Variants in HECW1 observed in about 807,000 individuals in gnomAD.
HECW1 encodes the protein E3 ubiquitin-protein ligase HECW1.
Under a neutral mutation model 182.3 loss-of-function variants are expected in HECW1, and 61 were observed. The observed-to-expected ratio is 0.33, with a 90% CI of 0.27 to 0.41. The LOEUF is 0.41. HECW1 is among the 10% of genes least tolerant of loss of function. HECW1 has a pLI of 1.00. For missense variants in HECW1, 1,739 were observed against 2,108.9 expected, an observed-to-expected ratio of 0.82 and a Z score of 3.44; for synonymous variants, 859 against 832.6, an observed-to-expected ratio of 1.03 and a Z score of -0.55.
intron 5 of HECW1, among the ~76,000 whole-genome samples, chr7:43,330,855 G>A (rs1010721960): frequency 6.6e-6 from 1 of 152,170 alleles, no homozygotes; most frequent in African/African-American, 2.4e-5. Flanking sequence ...TGGTGAGTCT[G>A]CACTGATAAA....
intron 7 of HECW1, among the ~76,000 whole-genome samples, chr7:43,401,179 C>T (rs59337895): frequency 0.021 from 3,231 of 152,158 alleles, 85 homozygotes; most frequent in African/African-American, 0.064. Flanking sequence ...TTCTGTCTAC[C>T]GCAGTCAAGA....
chr7:43,490,524 T>C (rs950404294), intron 17 of HECW1, among the ~76,000 whole-genome samples: 1 of 152,228 alleles, frequency 6.6e-6, no homozygotes, highest in Non-Finnish European at 1.5e-5. Flanking sequence ...AAATCCCATA[T>C]ATCTGGTGAA....
At chr7:43,506,091 A>G (rs910358147) in intron 21 of HECW1, among the ~76,000 whole-genome samples, 1 of 152,224 alleles carries the variant, frequency 6.6e-6, no homozygotes, top group Non-Finnish European at 1.5e-5. Flanking sequence ...GTTCTCCTCT[A>G]TGTAGAGTTA....
rs968889231 is a variant in HECW1 at position 43,512,273 on chromosome 7, G to A, written c.4019+3152G>A. 12 of 223,662 alleles carry A rather than the reference G, an allele frequency of 5.4e-5. No individual in the cohort carries two copies. In the East Asian group the frequency reaches 7.7e-4, roughly 14 times the overall value. The allele number at this position is 223,662 out of a possible 1,614,324, so 13.9% of individuals were successfully genotyped here. ...CACAGGACAAGCCAGGGCAGGATTT[G>A]GCCTGCAGGAAGGACAGAGGTGCCT... On this transcript the variant is annotated intron_variant, in intron 24 of 29. Transcript: ENST00000395891.
intron 7 of HECW1, among the ~76,000 whole-genome samples, chr7:43,402,840 G>T (rs2075473833): frequency 6.6e-6 from 1 of 152,070 alleles, no homozygotes; most frequent in South Asian, 2.1e-4. Context: ...ACTGCCTGGA[G>T]GTAATACATT....
chr7:43,482,441 A>G (rs1351082167), intron 17 of HECW1, among the ~76,000 whole-genome samples: 1 of 152,194 alleles, frequency 6.6e-6, no homozygotes, highest in Non-Finnish European at 1.5e-5. Context: ...GGAATGCAAA[A>G]TATGAGACAA....
intron 2 of HECW1, among the ~76,000 whole-genome samples, chr7:43,209,898 C>A (rs1373828715): frequency 6.6e-6 from 1 of 152,128 alleles, no homozygotes; most frequent in Non-Finnish European, 1.5e-5. Flanking sequence ...ATCTGCCGTG[C>A]CCAGTCCCAC....
At chr7:43,189,811 G>C (rs1053220814) in intron 2 of HECW1, among the ~76,000 whole-genome samples, 3 of 152,168 alleles carry the variant, frequency 2.0e-5, no homozygotes, top group Non-Finnish European at 4.4e-5. Flanking sequence ...ACTTTAAGTA[G>C]ATACGTCTCA....
intron 3 of HECW1, among the ~76,000 whole-genome samples, chr7:43,294,808 C>G (rs1409799544): frequency 6.6e-6 from 1 of 152,072 alleles, no homozygotes; most frequent in Non-Finnish European, 1.5e-5. Context: ...GTTTATTTTG[C>G]CAAGGTTAAG....
At chr7:43,162,072 T>G (rs1044284581) in intron 2 of HECW1, among the ~76,000 whole-genome samples, 8 of 152,254 alleles carry the variant, frequency 5.3e-5, no homozygotes, top group African/African-American at 1.9e-4. Context: ...CATAAACAAT[T>G]GGATATCCAC....
chr7:43,229,573 G>T (rs918301611), intron 2 of HECW1, among the ~76,000 whole-genome samples: 1 of 152,004 alleles, frequency 6.6e-6, no homozygotes, highest in African/African-American at 2.4e-5. Flanking sequence ...ACAATCCCCT[G>T]TGACACAAGT....
intron 24 of HECW1, among the ~76,000 whole-genome samples, chr7:43,532,579 C>T (rs908777860): frequency 1.2e-4 from 19 of 152,134 alleles, no homozygotes; most frequent in African/African-American, 3.9e-4. Context: ...CCCCACTGGC[C>T]TCTTTGCATT....
chr7:43,197,527 C>T (rs1218905072), intron 2 of HECW1, among the ~76,000 whole-genome samples: 4 of 152,158 alleles, frequency 2.6e-5, no homozygotes, highest in East Asian at 1.9e-4. Flanking sequence ...TGGCACAGAG[C>T]GATCACTGCC....
chr7:43,357,383 C>T (rs10279340), intron 5 of HECW1, among the ~76,000 whole-genome samples: 66,841 of 151,852 alleles, frequency 0.44, 14,810 homozygotes, highest in Non-Finnish European at 0.47. Context: ...TATTCAGTCA[C>T]AAAAAAGAAT....
At chr7:43,169,578 T>G (rs1453116961) in intron 2 of HECW1, among the ~76,000 whole-genome samples, 1 of 152,222 alleles carries the variant, frequency 6.6e-6, no homozygotes, top group Admixed American at 6.5e-5. Context: ...AGTAATGGGC[T>G]TAATCATCAT....
At chr7:43,522,631 A>G (rs2080542571) in intron 24 of HECW1, 1 of 156,246 alleles carries the variant, frequency 6.4e-6, no homozygotes, top group South Asian at 1.9e-4. Flanking sequence ...CAGGAGTTCT[A>G]GACACCATGC....
At chr7:43,503,196 A>C (rs1313584097) in intron 21 of HECW1, among the ~76,000 whole-genome samples, 1 of 152,218 alleles carries the variant, frequency 6.6e-6, no homozygotes, top group African/African-American at 2.4e-5. Flanking sequence ...AACATAATTA[A>C]ATCCCATTGC....
intron 7 of HECW1, among the ~76,000 whole-genome samples, chr7:43,407,181 T>G (rs1435578635): frequency 6.6e-6 from 1 of 152,184 alleles, no homozygotes; most frequent in Non-Finnish European, 1.5e-5. Flanking sequence ...CAGGTCTTGT[T>G]TGTTCTTTCC....
At chr7:43,513,584 C>T (rs1009191278) in intron 24 of HECW1, among the ~76,000 whole-genome samples, 5 of 152,032 alleles carry the variant, frequency 3.3e-5, no homozygotes, top group East Asian at 1.9e-4. Flanking sequence ...CTTTCTTTCT[C>T]GTGCAGTGTT....
Sources: gnomAD v4.1 joint callset for allele counts (sites outside exome capture counted in the v4.1 genomes callset) on GRCh38, gnomAD v4.1.1 for gene constraint, MANE v1.5 for transcripts, NCBI Gene and HGNC (gene_info 2026-07-23, HGNC 2026-07-21) for gene names.